INPP4B: variants seen among roughly 807,000 people sequenced by gnomAD.
The protein encoded by INPP4B is inositol polyphosphate-4-phosphatase type II B.
In INPP4B, 55 loss-of-function variants were observed where a neutral mutation model predicts 122.5. The ratio of observed to expected loss-of-function variants is 0.45; its 90% confidence interval spans 0.36 to 0.56. INPP4B has a LOEUF of 0.56. Ranked by LOEUF, INPP4B falls within the 20% of genes least tolerant of loss-of-function variation. INPP4B has a pLI of 0.00. For missense variants in INPP4B, 1,000 were observed against 1,097.7 expected (o/e 0.91, Z 1.26); for synonymous variants, 403 against 388.7 (o/e 1.04, Z -0.43).
chr4:142,230,405 G>C (rs1436990494), intron 12 of INPP4B, among the ~76,000 whole-genome samples: 1 of 152,008 alleles, frequency 6.6e-6, no homozygotes, highest in Non-Finnish European at 1.5e-5. Flanking sequence ...CAGCACTTTG[G>C]GAGGCTGAGG....
intron 7 of INPP4B, among the ~76,000 whole-genome samples, chr4:142,346,283 T>A (rs1780296315): frequency 6.6e-6 from 1 of 152,052 alleles, no homozygotes; most frequent in South Asian, 2.1e-4. Flanking sequence ...AAACTTAAGA[T>A]AAACTGGTCA....
At chr4:142,373,092 G>C (rs1368096803) in intron 7 of INPP4B, among the ~76,000 whole-genome samples, 1 of 152,012 alleles carries the variant, frequency 6.6e-6, no homozygotes, top group Non-Finnish European at 1.5e-5. Context: ...ATAGCTGCAG[G>C]CTCTAACAAT....
At chr4:142,567,165 G>A (rs771195681) in intron 2 of INPP4B, among the ~76,000 whole-genome samples, 18 of 152,234 alleles carry the variant, frequency 1.2e-4, no homozygotes, top group Admixed American at 3.3e-4. Context: ...TAGAGTTTTC[G>A]GTCTTCATTT....
chr4:142,451,544 C>T (rs973273941), intron 3 of INPP4B, among the ~76,000 whole-genome samples: 11 of 152,178 alleles, frequency 7.2e-5, no homozygotes, highest in African/African-American at 1.9e-4. Flanking sequence ...AGCCACCGCT[C>T]CCAGCCTCAA....
rs1743934718 is a variant in INPP4B, at chr4:142,268,323, A to AAAAAAAAAAAAAAAAAAAAC, written c.615+2339_615+2340insGTTTTTTTTTTTTTTTTTTT. ...GGGTGACAGAGCAAGACTCCGTCTC[A>AAAAAAAAAAAAAAAAAAAAC]AAAAAAAAAAAAAAAAAAAAAAATG... On this transcript the variant is annotated intron_variant, in intron 10 of 25. Transcript: ENST00000262992. Among the ~76,000 whole-genome samples the AAAAAAAAAAAAAAAAAAAAC allele has an allele frequency of 2.0e-5, 2 of 100,886 alleles. 1 individual carries two copies. Among genetic ancestry groups the AAAAAAAAAAAAAAAAAAAAC allele is most frequent in the African/African-American group, 8.8e-5 (2 of 22,740 alleles). The allele number at this position is 100,886 out of a possible 152,430, so 66.2% of individuals were successfully genotyped here.
rs144709371 is a variant in INPP4B, at chr4:142,210,761, T to C, written c.837-1735A>G. ...TTATTTAGTACTAATAGATGCACCA[T>C]ACAGTTACAATTTATATTATCTCTA... On this transcript the variant is annotated intron_variant, in intron 12 of 25. Coordinates refer to ENST00000262992, the MANE Select transcript of INPP4B (RefSeq NM_001101669.3). 1.3e-4 allele frequency among the ~76,000 whole-genome samples: 20 copies of C among 152,264 alleles called. 1 individual carries two copies. The East Asian group carries it at 3.9e-3, about 29-fold the overall frequency.
At chr4:142,179,563 A>AAAAATGATGCTAATAGG (rs895960971) in intron 15 of INPP4B, among the ~76,000 whole-genome samples, 13 of 121,708 alleles carry the variant, frequency 1.1e-4, no homozygotes, top group South Asian at 7.3e-4. Flanking sequence ...TAGCTCTGTG[A>AAAAATGATGCTAATAGG]AAAAAAAAAC....
At position 142,334,618 on chromosome 4, in the gene INPP4B, T is replaced by C. The variant is rs560324350; in HGVS notation, c.373-19856A>G. Among the ~76,000 whole-genome samples the C allele has an allele frequency of 6.6e-4, 101 of 152,332 alleles. 1 individual carries two copies. In the Middle Eastern group the frequency reaches 0.024, roughly 36 times the overall value. Reference sequence around the variant, plus strand: ...TCCACACCCTTGCCAACACTTGTTATCTCATGTCTTTTTGATAATAGCCAA... The same window carrying C: ...TCCACACCCTTGCCAACACTTGTTACCTCATGTCTTTTTGATAATAGCCAA... On this transcript the variant is annotated intron_variant, in intron 7 of 25. Transcript: ENST00000262992.
At chr4:142,700,984 C>T (rs1267539588) in intron 2 of INPP4B, among the ~76,000 whole-genome samples, 1 of 152,084 alleles carries the variant, frequency 6.6e-6, no homozygotes, top group African/African-American at 2.4e-5. Context: ...AAGAAACAGG[C>T]TCTGGCTACC....
intron 2 of INPP4B, among the ~76,000 whole-genome samples, chr4:142,642,619 T>G (rs1210594045): frequency 1.3e-5 from 2 of 152,202 alleles, no homozygotes; most frequent in African/African-American, 2.4e-5. Context: ...TCTGTTCCAT[T>G]GGTCTATATC....
intron 9 of INPP4B, among the ~76,000 whole-genome samples, chr4:142,299,823 A>G (rs1437902707): frequency 6.6e-6 from 1 of 151,954 alleles, no homozygotes; most frequent in Non-Finnish European, 1.5e-5. Context: ...AAAAACTGGA[A>G]GACTATTAAA....
At position 142,615,698 on chromosome 4, in the gene INPP4B, C is replaced by T. The variant is rs1366962399; in HGVS notation, c.-191+110141G>A. 2.0e-5 allele frequency among the ~76,000 whole-genome samples: 3 copies of T among 152,078 alleles called. No individual in the cohort carries two copies. The South Asian group carries it at 6.2e-4, about 31-fold the overall frequency. ...AAGGGTATAACAAGGTACGTCTGAC[C>T]TCCCTTCCCATCATGGCTGGGAATT... On this transcript the variant is annotated intron_variant, in intron 2 of 25. Coordinates refer to ENST00000262992, the MANE Select transcript of INPP4B (RefSeq NM_001101669.3).
At chr4:142,170,724 C>T (rs1414837029) in intron 16 of INPP4B, among the ~76,000 whole-genome samples, 1 of 151,786 alleles carries the variant, frequency 6.6e-6, no homozygotes, top group Non-Finnish European at 1.5e-5. Context: ...GTCACTTCAA[C>T]ATCGTAATAA....
chr4:142,298,289 T>C (rs1018295852), intron 9 of INPP4B, among the ~76,000 whole-genome samples: 1 of 152,138 alleles, frequency 6.6e-6, no homozygotes, highest in African/African-American at 2.4e-5. Flanking sequence ...ACACTAGACC[T>C]GTCTGAAAAC....
In INPP4B at chr4:142,702,552, C is replaced by T. The variant is rs371086545; in HGVS notation, c.-191+23287G>A. On this transcript the variant is annotated intron_variant, in intron 2 of 25. Coordinates refer to ENST00000262992, the MANE Select transcript of INPP4B (RefSeq NM_001101669.3). Reference sequence around the variant, plus strand: ...CCAGCTTGACCAACAATGGAGAAACCCCATCTCTACTAAAATTGAAATACA... The same window carrying T: ...CCAGCTTGACCAACAATGGAGAAACTCCATCTCTACTAAAATTGAAATACA... Among the ~76,000 whole-genome samples the T allele has an allele frequency of 1.8e-4, 28 of 151,848 alleles. 1 individual carries two copies. The East Asian group carries it at 2.1e-3, about 12-fold the overall frequency.
At chr4:142,726,265 G>A (rs56377132) in intron 1 of INPP4B, among the ~76,000 whole-genome samples, 5,907 of 152,242 alleles carry the variant, frequency 0.039, 146 homozygotes, top group African/African-American at 0.055. Flanking sequence ...CATTTACTTG[G>A]AATACAATGG....
chr4:142,535,281 G>A (rs1378605321), intron 2 of INPP4B, among the ~76,000 whole-genome samples: 1 of 152,196 alleles, frequency 6.6e-6, no homozygotes, highest in Non-Finnish European at 1.5e-5. Flanking sequence ...CCTACACAGA[G>A]CTGGGTACAT....
Position 142,024,008 on chromosome 4 carries a change from T to C in INPP4B, c.*4774A>G, listed in dbSNP as rs1011393036. On this transcript the variant is annotated 3_prime_UTR_variant, in exon 26 of 26. Coordinates refer to ENST00000262992, the MANE Select transcript of INPP4B (RefSeq NM_001101669.3). ...TCTCCTTGTTATTAATAGCAAGACA[T>C]ATGTTCCTTTTAGAAATGTTTGATT... The C allele has an allele frequency of 2.0e-5, 3 of 152,110 alleles. No individual in the cohort carries two copies. Among genetic ancestry groups the C allele is most frequent in the Admixed American group, 6.6e-5 (1 of 15,252 alleles). 9.4% of individuals were successfully genotyped at this position (152,110 alleles called of 1,614,324 possible).
intron 5 of INPP4B, among the ~76,000 whole-genome samples, chr4:142,409,747 G>A (rs1236754148): frequency 6.6e-6 from 1 of 152,142 alleles, no homozygotes; most frequent in East Asian, 1.9e-4. Context: ...TCACTGTGCA[G>A]GTGAACACTG....
Sources: allele counts gnomAD v4.1 joint callset (sites outside exome capture counted in the v4.1 genomes callset), GRCh38; gene constraint gnomAD v4.1.1; transcripts MANE v1.5; gene names NCBI Gene and HGNC (gene_info 2026-07-23, HGNC 2026-07-21).